The following ZNF680 variants were observed in gnomAD, a reference collection of about 807,000 sequenced individuals.
ZNF680 encodes the protein zinc finger protein 680, also known as hypothetical protein FLJ90430.
Under a neutral mutation model 12.1 loss-of-function variants are expected in ZNF680, and 6 were observed. The observed-to-expected ratio is 0.49, with a 90% CI of 0.27 to 0.98. The LOEUF is 0.98. ZNF680 is among the 50% of genes least tolerant of loss of function. The pLI, the probability that ZNF680 is intolerant of heterozygous loss-of-function variation, is 0.12. For missense variants in ZNF680, 561 were observed against 616.3 expected (o/e 0.91, Z 0.95); for synonymous variants, 170 against 199.3 (o/e 0.85, Z 1.24).
chr7:64,541,534 T>A (rs1488063745), intron 3 of ZNF680, among the ~76,000 whole-genome samples: 1 of 152,144 alleles, frequency 6.6e-6, no homozygotes, highest in South Asian at 2.1e-4. Context: ...CCAAAACCCA[T>A]CTCAAAAATA....
At chr7:64,562,473 G>A (rs187553391) in intron 1 of ZNF680, among the ~76,000 whole-genome samples, 11 of 152,114 alleles carry the variant, frequency 7.2e-5, no homozygotes, top group Non-Finnish European at 1.3e-4. Flanking sequence ...CCCCTCCCAT[G>A]GACCACAAAT....
rs757155374 is a variant in ZNF680, at chr7:64,544,349, A to G, written c.114T>C (p.Tyr38=). The G allele has an allele frequency of 6.2e-7, 1 of 1,605,278 alleles. No homozygotes were observed. Among genetic ancestry groups the G allele is most frequent in the Non-Finnish European group, 8.5e-7 (1 of 1,174,508 alleles). Residue 38 remains tyrosine (Y), a synonymous_variant, in exon 2 of 4, where the codon TAT becomes TAC. Transcript: ENST00000309683. The part of the protein sequence containing the change: ...QCLDTAQRNL[Y]RKVMFENYRN... ...TGTAGTTCTCAAACATCACTTTCCT[A>G]TATAAATTCCGTTGTGCAGTGTCCA...
chr7:64,510,636 C>T, the ZNF680 span, among the ~76,000 whole-genome samples: 4 of 151,586 alleles, frequency 2.6e-5, no homozygotes, highest in Non-Finnish European at 2.9e-5. Flanking sequence ...ATCGGCCGGG[C>T]GCGGTGGTTC....
rs58056053 is a variant in ZNF680 at position 64,556,259 on chromosome 7, T to TAA, written c.30+6664_30+6665dup. Among the ~76,000 whole-genome samples, 161 of 88,486 alleles carry TAA rather than the reference T, an allele frequency of 1.8e-3. 2 individuals are homozygous for TAA. The highest frequency in any genetic ancestry group is 3.2e-3 in the African/African-American group (91 of 28,102). The allele number at this position is 88,486 out of a possible 152,430, so 58.1% of individuals were successfully genotyped here. ...CTACCAATAACATTCTTCACGGAAC[T>TAA]AAAAAAAAAAAAAAAAAAAAGTATT... is the stretch of plus-strand genomic sequence containing the variant. On this transcript the variant is annotated intron_variant, in intron 1 of 3. Coordinates refer to ENST00000309683, the MANE Select transcript of ZNF680 (RefSeq NM_178558.5).
At chr7:64,536,109 A>G (rs1330214399) in intron 3 of ZNF680, among the ~76,000 whole-genome samples, 1 of 152,210 alleles carries the variant, frequency 6.6e-6, no homozygotes, top group African/African-American at 2.4e-5. Flanking sequence ...TCCAAAATAT[A>G]TAAAGCAAAT....
intron 1 of ZNF680, among the ~76,000 whole-genome samples, chr7:64,558,125 T>C (rs1787522279): frequency 6.6e-6 from 1 of 152,150 alleles, no homozygotes; most frequent in South Asian, 2.1e-4. Flanking sequence ...TATTTCTGTG[T>C]CCGGGCAGGC....
the ZNF680 span, chr7:64,501,250 C>G: frequency 1.2e-6 from 1 of 865,926 alleles, no homozygotes; most frequent in African/African-American, 1.7e-5. Flanking sequence ...AGCACATTTT[C>G]CTCCTCCTCC....
intron 1 of ZNF680, among the ~76,000 whole-genome samples, chr7:64,559,834 A>G (rs1482407223): frequency 6.6e-6 from 1 of 152,176 alleles, no homozygotes; most frequent in Non-Finnish European, 1.5e-5. Context: ...TAAGAAAAGC[A>G]AAAGTATTCC....
chr7:64,507,751 G>GA, the ZNF680 span, among the ~76,000 whole-genome samples: 1 of 149,142 alleles, frequency 6.7e-6, no homozygotes, highest in African/African-American at 2.5e-5. Flanking sequence ...ACTTTTCTTA[G>GA]AAAAAAGAGA....
chr7:64,518,155 T>C (rs1395841262), downstream of ZNF680, among the ~76,000 whole-genome samples: 1 of 152,036 alleles, frequency 6.6e-6, no homozygotes, highest in Non-Finnish European at 1.5e-5. Flanking sequence ...GTTGATGATA[T>C]GATTGTATAC....
intron 3 of ZNF680, among the ~76,000 whole-genome samples, chr7:64,534,712 G>A (rs889666450): frequency 1.6e-4 from 25 of 152,212 alleles, no homozygotes; most frequent in African/African-American, 6.0e-4. Flanking sequence ...ACTTGCACAC[G>A]CATGTTTATA....
intron 3 of ZNF680, among the ~76,000 whole-genome samples, chr7:64,542,723 G>A (rs1786569452): frequency 6.6e-6 from 1 of 152,038 alleles, no homozygotes; most frequent in Non-Finnish European, 1.5e-5. Context: ...TATTTTTTGA[G>A]ACAGAGTCTC....
intron 3 of ZNF680, among the ~76,000 whole-genome samples, chr7:64,543,425 A>C (rs1447965370): frequency 1.3e-5 from 2 of 152,190 alleles, no homozygotes; most frequent in African/African-American, 4.8e-5. Flanking sequence ...AAAACAATGG[A>C]ACATCAGTCA....
chr7:64,522,453 T>C lies in ZNF680; in HGVS notation c.301A>G (p.Lys101Glu), dbSNP rs756914891. 1.3e-6 allele frequency: 2 copies of C among 1,593,878 alleles called. No individual in the cohort carries two copies. The highest frequency in any genetic ancestry group is 1.7e-6 in the Non-Finnish European group (2 of 1,171,522). The change falls in exon 4 of 4, where the codon AAA (lysine) becomes GAA (glutamate). Residue 101 changes from lysine to glutamate, a missense_variant. Transcript: ENST00000309683. The part of the protein sequence containing the change: ...TEDLWPEHSI[K>E]DSFQKVILRG... ...AGTATCACTTTTTGAAAAGAATCTT[T>C]TATGCTATGCTCTGGCCAAAGGTCT...
chr7:64,562,432 T>C (rs576265020), intron 1 of ZNF680, among the ~76,000 whole-genome samples: 1 of 152,320 alleles, frequency 6.6e-6, no homozygotes, highest in South Asian at 2.1e-4. Context: ...GTTTTATTCA[T>C]CATACACCAC....
intron 1 of ZNF680, among the ~76,000 whole-genome samples, chr7:64,554,225 T>C (rs1287772371): frequency 8.5e-6 from 1 of 117,922 alleles, no homozygotes; most frequent in Non-Finnish European, 1.8e-5. Context: ...AGAGCGCCTC[T>C]GCCCGGCCGC....
At chr7:64,560,763 G>C (rs2116574895) in intron 1 of ZNF680, among the ~76,000 whole-genome samples, 1 of 150,714 alleles carries the variant, frequency 6.6e-6, no homozygotes, top group East Asian at 2.0e-4. Context: ...AGTGAGCCAA[G>C]ATCATGTGAC....
rs1341382436 is a variant in ZNF680, at chr7:64,520,639, T to C, written c.*522A>G. 1 of 151,984 alleles carries C rather than the reference T, an allele frequency of 6.6e-6. No homozygotes were observed. Among genetic ancestry groups the C allele is most frequent in the Non-Finnish European group, 1.5e-5 (1 of 67,826 alleles). 9.4% of individuals were successfully genotyped at this position (151,984 alleles called of 1,614,324 possible). A position where few individuals can be genotyped will look rare whatever the true frequency, so the allele number is the denominator to read the frequency against. On this transcript the variant is annotated 3_prime_UTR_variant, in exon 4 of 4. Coordinates refer to ENST00000309683, the MANE Select transcript of ZNF680 (RefSeq NM_178558.5). ...AAATGTTTTTCCAAATTCATTACAT[T>C]TGCAGGATTTTTCTCCAATATAAAT...
At chr7:64,535,636 T>C (rs953096276) in intron 3 of ZNF680, among the ~76,000 whole-genome samples, 2 of 152,038 alleles carry the variant, frequency 1.3e-5, no homozygotes, top group African/African-American at 4.8e-5. Flanking sequence ...TTATATTAGA[T>C]ATAATATACT....
Sources: gnomAD v4.1 joint callset for allele counts (sites outside exome capture counted in the v4.1 genomes callset) on GRCh38, gnomAD v4.1.1 for gene constraint, MANE v1.5 for transcripts, NCBI Gene and HGNC (gene_info 2026-07-23, HGNC 2026-07-21) for gene names.